RALGPS1: variants seen among roughly 807,000 people sequenced by gnomAD.
The protein encoded by RALGPS1 is ras-specific guanine nucleotide-releasing factor RalGPS1.
A neutral mutation model predicts 78.8 loss-of-function variants in RALGPS1; 19 were observed. The observed-to-expected ratio is 0.24, with a 90% CI of 0.17 to 0.35. The LOEUF (loss-of-function observed/expected upper bound fraction) is 0.35, where lower values mean the gene tolerates loss of function less well. Among genes scored for constraint, RALGPS1 ranks in the 10% least tolerant of loss-of-function variants. RALGPS1 has a pLI of 1.00. For missense variants in RALGPS1, 454 were observed against 688.3 expected (o/e 0.66, Z 3.81); for synonymous variants, 228 against 256.3 (o/e 0.89, Z 1.06).
intron 4 of RALGPS1, among the ~76,000 whole-genome samples, chr9:127,031,653 C>T (rs1377822797): frequency 6.6e-6 from 1 of 152,162 alleles, no homozygotes; most frequent in African/African-American, 2.4e-5. Context: ...CTGGTGTTTC[C>T]CAGGAAATAA....
At chr9:127,141,768 T>C (rs2057798379) in intron 8 of RALGPS1, among the ~76,000 whole-genome samples, 1 of 152,156 alleles carries the variant, frequency 6.6e-6, no homozygotes, top group African/African-American at 2.4e-5. Context: ...AGGCTTTTGC[T>C]CATACATTTT....
At chr9:126,917,998 A>G (rs1378946936) in intron 1 of RALGPS1, among the ~76,000 whole-genome samples, 1 of 152,182 alleles carries the variant, frequency 6.6e-6, no homozygotes, top group African/African-American at 2.4e-5. Context: ...TCTGTCTAGC[A>G]CCTTGCCTGG....
intron 4 of RALGPS1, chr9:126,978,382 A>T (rs1434507198): frequency 6.6e-6 from 1 of 151,966 alleles, no homozygotes; most frequent in East Asian, 1.9e-4. Flanking sequence ...TTTTGGTCTT[A>T]AAAAAATTCC....
intron 7 of RALGPS1, 87 bp from the exon 8 acceptor site, chr9:127,069,143 A>T: frequency 2.3e-6 from 3 of 1,318,492 alleles, no homozygotes; most frequent in Non-Finnish European, 3.2e-6. Context: ...GTCACTTAGG[A>T]TTTTCCCTTT....
At chr9:127,045,762 TACACACACACACACAC>T (rs59773981) in intron 5 of RALGPS1, among the ~76,000 whole-genome samples, 19 of 137,150 alleles carry the variant, frequency 1.4e-4, no homozygotes, top group Admixed American at 8.0e-4. Flanking sequence ...CACACACACA[TACACACACACACACAC>T]ACACACACAC....
chr9:127,124,121 T>TCACCCATGGAGCGGTGA (rs2056416413), intron 8 of RALGPS1, among the ~76,000 whole-genome samples: 1 of 152,180 alleles, frequency 6.6e-6, no homozygotes, highest in African/African-American at 2.4e-5. Flanking sequence ...CCCTGACACT[T>TCACCCATGGAGCGGTGA]CACCCATGGA....
chr9:127,180,264 A>G (rs1194177088), intron 11 of RALGPS1, among the ~76,000 whole-genome samples: 2 of 152,206 alleles, frequency 1.3e-5, no homozygotes, highest in African/African-American at 4.8e-5. Context: ...ACGTGGCTTT[A>G]CCAACTGACA....
intron 14 of RALGPS1, chr9:127,210,693 A>C: frequency 6.5e-7 from 1 of 1,549,706 alleles, no homozygotes; most frequent in Non-Finnish European, 8.7e-7. Flanking sequence ...TTTCCTCTGA[A>C]GCAGGGGACG....
intron 7 of RALGPS1, among the ~76,000 whole-genome samples, chr9:127,063,407 A>G (rs1159141316): frequency 6.6e-6 from 1 of 152,178 alleles, no homozygotes; most frequent in African/African-American, 2.4e-5. Flanking sequence ...ATTAATAAGC[A>G]GGGACTTTGT....
At chr9:126,997,243 G>T (rs932113282) in intron 4 of RALGPS1, among the ~76,000 whole-genome samples, 1 of 152,166 alleles carries the variant, frequency 6.6e-6, no homozygotes, top group African/African-American at 2.4e-5. Flanking sequence ...AAGTCAGATT[G>T]TCCGTTTGCA....
intron 1 of RALGPS1, among the ~76,000 whole-genome samples, chr9:126,946,969 G>A (rs1489458872): frequency 3.3e-5 from 5 of 152,146 alleles, no homozygotes; most frequent in African/African-American, 1.2e-4. Flanking sequence ...AGAGTAGATT[G>A]TAGATGCTTA....
chr9:126,962,238 A>G lies in RALGPS1; in HGVS notation c.-52A>G, dbSNP rs994984695. On this transcript the variant is annotated 5_prime_UTR_variant, in exon 2 of 19. Transcript: ENST00000259351. ...TTTGCCTTGCAGGACTTCTCCAGACAGGTTATGTTACCTGCAGAGGCTGCC... is the reference window on the plus strand; with the variant it reads ...TTTGCCTTGCAGGACTTCTCCAGACGGGTTATGTTACCTGCAGAGGCTGCC... The G allele has an allele frequency of 8.8e-6, 14 of 1,592,458 alleles. No homozygotes were observed. The African/African-American group carries it at 1.9e-4, about 21-fold the overall frequency.
intron 4 of RALGPS1, among the ~76,000 whole-genome samples, chr9:126,996,972 A>G (rs1459014219): frequency 1.3e-5 from 2 of 152,236 alleles, no homozygotes; most frequent in African/African-American, 2.4e-5. Flanking sequence ...GCCTTTGACA[A>G]AATTCAACAA....
intron 4 of RALGPS1, among the ~76,000 whole-genome samples, chr9:126,988,496 T>G (rs1057097660): frequency 6.6e-6 from 1 of 152,188 alleles, no homozygotes; most frequent in Non-Finnish European, 1.5e-5. Context: ...AGCCTCAAAC[T>G]CCTGGGCTGA....
intron 11 of RALGPS1, among the ~76,000 whole-genome samples, chr9:127,177,310 C>T (rs775152681): frequency 5.9e-5 from 9 of 152,144 alleles, no homozygotes; most frequent in Non-Finnish European, 1.2e-4. Context: ...GACTGAGCCT[C>T]AGAGGGCTCT....
chr9:127,085,575 C>G (rs1033436301), intron 8 of RALGPS1, among the ~76,000 whole-genome samples: 1 of 152,176 alleles, frequency 6.6e-6, no homozygotes, highest in African/African-American at 2.4e-5. Context: ...TTTCCTTCCT[C>G]TCCTTCTATA....
intron 1 of RALGPS1, among the ~76,000 whole-genome samples, chr9:126,938,580 G>A (rs1001528302): frequency 1.3e-5 from 2 of 152,128 alleles, no homozygotes; most frequent in Non-Finnish European, 2.9e-5. Flanking sequence ...GGGGGAGGGC[G>A]TACAAGGAAG....
chr9:127,110,590 C>T (rs2054702341), intron 8 of RALGPS1, among the ~76,000 whole-genome samples: 1 of 152,192 alleles, frequency 6.6e-6, no homozygotes, highest in South Asian at 2.1e-4. Flanking sequence ...GACATTTCCA[C>T]TTGACTATCT....
At chr9:127,041,804 C>T (rs1275355929) in intron 5 of RALGPS1, among the ~76,000 whole-genome samples, 1 of 152,132 alleles carries the variant, frequency 6.6e-6, no homozygotes, top group African/African-American at 2.4e-5. Context: ...AAGCTGGATT[C>T]AACATAATCT....
Sources: allele counts gnomAD v4.1 joint callset (sites outside exome capture counted in the v4.1 genomes callset), GRCh38; gene constraint gnomAD v4.1.1; transcripts MANE v1.5; gene names NCBI Gene and HGNC (gene_info 2026-07-23, HGNC 2026-07-21).